Variants in BOP1 observed in about 807,000 individuals in gnomAD.
The protein encoded by BOP1 is BOP1 ribosomal biogenesis factor, also known as ribosome biogenesis protein BOP1.
Under a neutral mutation model 82.9 loss-of-function variants are expected in BOP1, and 54 were observed. The ratio of observed to expected loss-of-function variants is 0.65; its 90% confidence interval spans 0.52 to 0.82. The LOEUF is 0.82. Among genes scored for constraint, BOP1 ranks in the 40% least tolerant of loss-of-function variants. The probability of loss-of-function intolerance (pLI) is 0.00; values close to 1 mark genes in which losing one functional copy is unlikely to be tolerated. For missense variants in BOP1, 1,170 were observed against 1,072.0 expected, an observed-to-expected ratio of 1.09 and a Z score of -1.28; for synonymous variants, 566 against 451.1, an observed-to-expected ratio of 1.25 and a Z score of -3.23.
chr8:144,267,076 G>T, intron 3 of BOP1: 1 of 1,404,532 alleles, frequency 7.1e-7, no homozygotes, highest in Middle Eastern at 2.6e-4. Context: ...CGCGGCGCGC[G>T]CCGGCAGCCC....
At chr8:144,290,148 C>G (rs560885874) in intron 1 of BOP1, among the ~76,000 whole-genome samples, 1 of 152,094 alleles carries the variant, frequency 6.6e-6, no homozygotes, top group African/African-American at 2.4e-5. Context: ...CACCTGAGGT[C>G]AGGAGTTCAA....
chr8:144,271,678 G>A (rs1335823631), intron 3 of BOP1, among the ~76,000 whole-genome samples: 9 of 151,810 alleles, frequency 5.9e-5, no homozygotes, highest in Non-Finnish European at 1.2e-4. Flanking sequence ...GGGCCCTGGC[G>A]CCGGGGCCAG....
Position 144,262,680 on chromosome 8 carries a change from C to T in BOP1, c.1895-8G>A, listed in dbSNP as rs1281794190. 1.2e-5 allele frequency: 20 copies of T among 1,613,070 alleles called. No homozygotes were observed. Among genetic ancestry groups the T allele is most frequent in the Admixed American group, 3.3e-5 (2 of 59,982 alleles). ...CACAGATGACGTTGTCACCTAGGGC[C>T]AAAGGCTGTGATGCAGGTGTTCCCG... On this transcript the variant is annotated splice_polypyrimidine_tract_variant and splice_region_variant and intron_variant, in intron 13 of 15. Transcript: ENST00000569669.
intron 3 of BOP1, among the ~76,000 whole-genome samples, chr8:144,271,572 C>T (rs1035969078): frequency 1.3e-5 from 2 of 152,196 alleles, no homozygotes; most frequent in Admixed American, 1.3e-4. Context: ...GCCTCCTCTT[C>T]CTCAGGGTTT....
chr8:144,266,365 C>T lies in BOP1; in HGVS notation c.391-1294G>A, dbSNP rs1026363197. ...GCCGAGGGACGCGGCGGGCGCTGCT[C>T]GAGGAGCCTCCGGGCTGAGAGGGGC... On this transcript the variant is annotated intron_variant, in intron 3 of 15. Coordinates refer to ENST00000569669, the MANE Select transcript of BOP1 (RefSeq NM_015201.5). 8.6e-5 allele frequency among the ~76,000 whole-genome samples: 13 copies of T among 151,872 alleles called. No homozygotes were observed. The East Asian group carries it at 2.0e-3, about 23-fold the overall frequency.
chr8:144,268,619 C>A, intron 3 of BOP1: 1 of 202,468 alleles, frequency 4.9e-6, no homozygotes, highest in South Asian at 8.1e-5. Context: ...ACTTTCCAGG[C>A]TCAGGGCCAC....
chr8:144,265,127 C>T, intron 3 of BOP1, 56 bp from the exon 4 acceptor site: 7 of 1,575,612 alleles, frequency 4.4e-6, no homozygotes, highest in South Asian at 1.2e-5. Context: ...ACCCCCGCTT[C>T]GGGCCGCCCA....
chr8:144,264,384 G>A lies in BOP1; in HGVS notation c.819C>T (p.Pro273=). 12 of 1,602,956 alleles carry A rather than the reference G, an allele frequency of 7.5e-6. No individual in the cohort carries two copies. In the South Asian group the frequency reaches 1.3e-4, roughly 18 times the overall value. ...IKMGWIQPRR[P]RDPTPSFYDL... ...CATAGAAGCTGGGGGTGGGGTCTCG[G>A]GGCCGGCGAGGCTGGATCCAGCCCA... Residue 273 remains proline (P), a synonymous_variant, in exon 7 of 16, where the codon CCC becomes CCT. Coordinates refer to ENST00000569669, the MANE Select transcript of BOP1 (RefSeq NM_015201.5).
chr8:144,276,422 C>T, intron 2 of BOP1, 118 bp from the exon 3 acceptor site: 1 of 1,190,576 alleles, frequency 8.4e-7, no homozygotes, highest in African/African-American at 1.5e-5. Flanking sequence ...CTGGCACAGG[C>T]CTCAGCACAA....
At chr8:144,290,370 GA>G (rs1382782724) in intron 1 of BOP1, among the ~76,000 whole-genome samples, 2 of 151,688 alleles carry the variant, frequency 1.3e-5, no homozygotes, top group Admixed American at 1.3e-4. Context: ...GAAAGAAAAG[GA>G]AAAGAAAAGA....
Position 144,262,880 on chromosome 8 carries a change from C to A in BOP1, c.1867G>T (p.Val623Leu). The A allele has an allele frequency of 6.5e-7, 1 of 1,538,014 alleles. No homozygotes were observed. Among genetic ancestry groups the A allele is most frequent in the East Asian group, 2.4e-5 (1 of 42,028 alleles). ...GCAGGGTGCACCGCCAGGCTGGACA[C>A]CCACTTGCAGTTGGGCATCAGCTTC... ...TKKLMPNCKWVSSLAVHPAGD... is the reference protein window; with the variant it reads ...TKKLMPNCKWLSSLAVHPAGD... The change falls in exon 13 of 16, where the codon GTG (valine) becomes TTG (leucine). Residue 623 changes from valine (V) to leucine (L), a missense_variant. By Grantham distance (32) the Val-to-Leu change is conservative. Transcript: ENST00000569669.
Position 144,289,303 on chromosome 8 carries a change from G to A in BOP1, c.101C>T (p.Pro34Leu), listed in dbSNP as rs782348320. 2.9e-5 allele frequency: 46 copies of A among 1,613,394 alleles called. No homozygotes were observed. In the Admixed American group the frequency reaches 6.2e-4, roughly 22 times the overall value. The part of the protein sequence containing the change: ...PELEPEPEPE[P>L]PLLCTSPLSH... The stretch of plus-strand genomic sequence containing the variant: ...GAGAGGAGAGGTGCAGAGGAGGGGG[G>A]GCTGCAAGGAAACACTGGGTTGGTG... The change falls in exon 2 of 16, where the codon CCC (proline) becomes CTC (leucine). Residue 34 changes from proline (P) to leucine (L), a missense_variant and splice_region_variant. Pro to Leu is a moderately conservative substitution (Grantham distance 98). Coordinates refer to ENST00000569669, the MANE Select transcript of BOP1 (RefSeq NM_015201.5).
In BOP1 at chr8:144,289,272, G is replaced by A. The variant is rs1240256903; in HGVS notation, c.132C>T (p.His44=). Residue 44 remains histidine, a synonymous_variant, in exon 2 of 16, where the codon CAC becomes CAT. Transcript: ENST00000569669. ...PPLLCTSPLS[H]STGSDSGVSD... ...AGACGCCAGAATCGCTGCCGGTGCT[G>A]TGGCTGAGAGGAGAGGTGCAGAGGA... The A allele has an allele frequency of 6.2e-7, 1 of 1,613,990 alleles. No homozygotes were observed. The highest frequency in any genetic ancestry group is 8.5e-7 in the Non-Finnish European group (1 of 1,180,040).
chr8:144,289,658 G>T (rs1172455495), intron 1 of BOP1, among the ~76,000 whole-genome samples: 7 of 152,126 alleles, frequency 4.6e-5, no homozygotes, highest in Admixed American at 1.3e-4. Flanking sequence ...AGGCCCTGTG[G>T]GGTCAGGCTG....
intron 2 of BOP1, among the ~76,000 whole-genome samples, chr8:144,284,380 C>A (rs1554839241): frequency 6.6e-6 from 1 of 152,208 alleles, no homozygotes; most frequent in Non-Finnish European, 1.5e-5. Flanking sequence ...TGAGAAACAG[C>A]ATGTTACTGT....
chr8:144,269,656 C>G (rs905873935), intron 3 of BOP1, among the ~76,000 whole-genome samples: 1 of 152,222 alleles, frequency 6.6e-6, no homozygotes, highest in South Asian at 2.1e-4. Context: ...TTTCCTCTCC[C>G]TAATCCTGCA....
chr8:144,276,009 G>A lies in BOP1; in HGVS notation c.390+215C>T, dbSNP rs930948944. ...GTCCTTCCCCTTCACAAGCCATGATGACACACATACATTGCAGTCTTGTGT... is the reference window on the plus strand; with the variant it reads ...GTCCTTCCCCTTCACAAGCCATGATAACACACATACATTGCAGTCTTGTGT... On this transcript the variant is annotated intron_variant, in intron 3 of 15. Transcript: ENST00000569669. Among the ~76,000 whole-genome samples the A allele has an allele frequency of 1.1e-4, 16 of 152,320 alleles. No individual in the cohort carries two copies. The East Asian group carries it at 2.3e-3, about 22-fold the overall frequency.
chr8:144,263,750 G>T lies in BOP1; in HGVS notation c.1233C>A (p.Gly411=). 6.3e-7 allele frequency: 1 copy of T among 1,581,922 alleles called. No individual in the cohort carries two copies. Among genetic ancestry groups the T allele is most frequent in the Non-Finnish European group, 8.6e-7 (1 of 1,165,868 alleles). The part of the protein sequence containing the change: ...FPTCQALVYR[G]HSDLVRCLSV... ...TGAGGCACCGGACAAGGTCACTGTG[G>T]CCCCTGTAGACCTGAGGAGGCGGCG... The change falls in exon 10 of 16, where the codon GGC becomes GGA. Residue 411 remains glycine, a synonymous_variant. Transcript: ENST00000569669.
intron 3 of BOP1, among the ~76,000 whole-genome samples, chr8:144,273,378 C>CCCAGACT (rs1554838027): frequency 9.8e-5 from 10 of 102,430 alleles, no homozygotes; most frequent in African/African-American, 3.3e-4. Context: ...GCACCCCAGC[C>CCCAGACT]CCAGACTCCA....
Sources: allele counts gnomAD v4.1 joint callset (sites outside exome capture counted in the v4.1 genomes callset), GRCh38; gene constraint gnomAD v4.1.1; transcripts MANE v1.5; gene names NCBI Gene and HGNC (gene_info 2026-07-23, HGNC 2026-07-21).